DMD: variants seen among roughly 807,000 people sequenced by gnomAD.
DMD encodes the protein mutant dystrophin.
DMD carries 63 observed loss-of-function variants against 330.1 expected under a neutral mutation model. The observed-to-expected ratio is 0.19, with a 90% confidence interval of 0.16 to 0.24. The LOEUF (loss-of-function observed/expected upper bound fraction) is 0.24. Ranked by LOEUF, DMD falls within the 10% of genes least tolerant of loss-of-function variation. The probability of loss-of-function intolerance (pLI) is 1.00; values close to 1 mark genes in which losing one functional copy is unlikely to be tolerated. For synonymous variants in DMD, 1,223 were observed against 959.8 expected (o/e 1.27, Z -5.07); for missense variants, 3,344 against 2,684.1 (o/e 1.25, Z -5.43).
At chrX:32,565,303 T>C (rs1026610612) in intron 16 of DMD, among the ~76,000 whole-genome samples, 1 of 111,983 alleles carries the variant, frequency 8.9e-6, no homozygotes, top group Non-Finnish European at 1.9e-5. Context: ...CTAACTTCTC[T>C]TGAAAAATTT....
intron 13 of DMD, among the ~76,000 whole-genome samples, chrX:32,589,434 A>G (rs1455854995): frequency 9.0e-6 from 1 of 110,597 alleles, no homozygotes; most frequent in Non-Finnish European, 1.9e-5. Flanking sequence ...ATGTTTATGT[A>G]TATGTATGTA....
intron 44 of DMD, among the ~76,000 whole-genome samples, chrX:32,209,483 G>A (rs999126387): frequency 1.8e-5 from 2 of 111,220 alleles, no homozygotes; most frequent in African/African-American, 6.5e-5. Flanking sequence ...AAAACACGAA[G>A]ATCAATATGG....
chrX:31,396,081 G>A (rs2060908884), intron 60 of DMD, among the ~76,000 whole-genome samples: 2 of 111,011 alleles, frequency 1.8e-5, no homozygotes, highest in Non-Finnish European at 3.8e-5. Flanking sequence ...ATTGCATCCT[G>A]GATATAGGTA....
At chrX:31,961,608 G>C (rs1445267681) in intron 45 of DMD, among the ~76,000 whole-genome samples, 1 of 110,842 alleles carries the variant, frequency 9.0e-6, no homozygotes, top group Non-Finnish European at 1.9e-5. Flanking sequence ...AACCTTAAGA[G>C]AATAAACTGC....
At chrX:31,435,878 CA>C (rs1179523765) in intron 60 of DMD, among the ~76,000 whole-genome samples, 1 of 111,354 alleles carries the variant, frequency 9.0e-6, no homozygotes, top group African/African-American at 3.3e-5. Context: ...GGTCAAACTC[CA>C]GGGAAGGAGA....
chrX:32,573,585 T>A lies in DMD; in HGVS notation c.1757A>T (p.His586Leu), dbSNP rs1569229325. Reference sequence around the variant, plus strand: ...ATTTTGATCTTTAAAGCCAGTTGTGTGAATCTTGTTCACTGCATCTTCTTT... The same window carrying A: ...ATTTTGATCTTTAAAGCCAGTTGTGAGAATCTTGTTCACTGCATCTTCTTT... The part of the protein sequence containing the change: ...SEKEDAVNKI[H>L]TTGFKDQNEM... The change falls in exon 15 of 79, where the codon CAC (histidine) becomes CTC (leucine). Residue 586 changes from histidine to leucine, a missense_variant. His to Leu is a moderately conservative substitution (Grantham distance 99). Coordinates refer to ENST00000357033, the MANE Select transcript of DMD (RefSeq NM_004006.3). 2 of 1,212,055 alleles carry A rather than the reference T, an allele frequency of 1.7e-6. No individual in the cohort carries two copies. Among genetic ancestry groups the A allele is most frequent in the Non-Finnish European group, 2.2e-6 (2 of 895,526 alleles).
At chrX:31,425,712 G>GCACACA (rs61365841) in intron 60 of DMD, among the ~76,000 whole-genome samples, 993 of 98,745 alleles carry the variant, frequency 0.01, 2 homozygotes, top group South Asian at 0.022. Flanking sequence ...ACACACACAC[G>GCACACA]CACACAATAC....
intron 21 of DMD, among the ~76,000 whole-genome samples, chrX:32,474,883 G>C (rs1485191768): frequency 2.7e-5 from 3 of 111,400 alleles, no homozygotes; most frequent in South Asian, 3.7e-4. Context: ...ATTTATCTTT[G>C]TTTTTATTAC....
intron 44 of DMD, among the ~76,000 whole-genome samples, chrX:32,048,578 G>T (rs1369404437): frequency 9.1e-6 from 1 of 109,994 alleles, no homozygotes; most frequent in Non-Finnish European, 1.9e-5. Context: ...CACCACTCTT[G>T]CTAAAATACT....
At chrX:32,711,090 G>T (rs1251047254) in intron 7 of DMD, among the ~76,000 whole-genome samples, 8 of 111,708 alleles carry the variant, frequency 7.2e-5, no homozygotes, top group Non-Finnish European at 7.5e-5. Context: ...GCTTTGCGTA[G>T]AATCTTACTG....
intron 55 of DMD, among the ~76,000 whole-genome samples, chrX:31,564,273 C>T (rs1369344368): frequency 8.9e-6 from 1 of 111,819 alleles, no homozygotes; most frequent in Non-Finnish European, 1.9e-5. Flanking sequence ...TCATAGGAAA[C>T]AAATACATTC....
chrX:32,875,460 T>C (rs1018449914), intron 2 of DMD, among the ~76,000 whole-genome samples: 6 of 112,312 alleles, frequency 5.3e-5, no homozygotes, highest in African/African-American at 1.6e-4. Flanking sequence ...TTCCCTTCTG[T>C]AGGGAGATAT....
chrX:31,455,056 G>A (rs2066066083), intron 59 of DMD, among the ~76,000 whole-genome samples: 1 of 104,147 alleles, frequency 9.6e-6, no homozygotes, highest in South Asian at 4.5e-4. Context: ...CCAAAGTGTT[G>A]GGATTACAAG....
At chrX:32,600,602 A>ACACG (rs1244911785) in intron 12 of DMD, among the ~76,000 whole-genome samples, 202 of 104,330 alleles carry the variant, frequency 1.9e-3, no homozygotes, top group African/African-American at 6.8e-3. Flanking sequence ...GCACACGCAC[A>ACACG]CACACACACA....
chrX:31,727,781 G>T (rs1403891035), intron 52 of DMD, among the ~76,000 whole-genome samples: 2 of 112,205 alleles, frequency 1.8e-5, no homozygotes, highest in African/African-American at 6.5e-5. Context: ...CAACAATAAA[G>T]AGTTAAACTT....
At chrX:33,164,998 G>C (rs189782821) in intron 1 of DMD, among the ~76,000 whole-genome samples, 1 of 107,127 alleles carries the variant, frequency 9.3e-6, no homozygotes, top group East Asian at 2.9e-4. Flanking sequence ...CCTTCAATGT[G>C]ATATTAGGAC....
At chrX:32,405,722 C>T (rs758644796) in intron 30 of DMD, among the ~76,000 whole-genome samples, 2 of 111,363 alleles carry the variant, frequency 1.8e-5, no homozygotes, top group South Asian at 7.5e-4. Flanking sequence ...TTAGGATTGA[C>T]TTGGCGATGC....
chrX:31,831,783 T>C (rs898662861), intron 49 of DMD, among the ~76,000 whole-genome samples: 1 of 111,532 alleles, frequency 9.0e-6, no homozygotes, highest in Non-Finnish European at 1.9e-5. Flanking sequence ...TTTGTATTTT[T>C]AGTAGAGATG....
chrX:31,323,834 C>T (rs369136911), intron 61 of DMD, among the ~76,000 whole-genome samples, 176 bp from the exon 62 acceptor site: 28 of 110,167 alleles, frequency 2.5e-4, no homozygotes, highest in African/African-American at 8.6e-4. Flanking sequence ...CTAATCTAAG[C>T]GAAACTGAAC....
Sources: gnomAD v4.1 joint callset for allele counts (sites outside exome capture counted in the v4.1 genomes callset) on GRCh38, gnomAD v4.1.1 for gene constraint, MANE v1.5 for transcripts, NCBI Gene and HGNC (gene_info 2026-07-23, HGNC 2026-07-21) for gene names.